MAP3K19: variants seen among roughly 807,000 people sequenced by gnomAD.
MAP3K19 encodes the protein mitogen-activated protein kinase kinase kinase 19.
Under a neutral mutation model 114.4 loss-of-function variants are expected in MAP3K19, and 91 were observed. The ratio of observed to expected loss-of-function variants is 0.80; its 90% CI spans 0.67 to 0.95. The LOEUF is 0.95. Among genes scored for constraint, MAP3K19 ranks in the 40% least tolerant of loss-of-function variants. The probability of loss-of-function intolerance (pLI) is 0.00; values close to 1 mark genes in which losing one functional copy is unlikely to be tolerated. For missense variants in MAP3K19, 1,471 were observed against 1,573.2 expected (o/e 0.94, Z 1.10); for synonymous variants, 518 against 530.5 (o/e 0.98, Z 0.32).
At chr2:135,021,461 G>GACAC (rs943225037) in intron 5 of MAP3K19, among the ~76,000 whole-genome samples, 8 of 143,226 alleles carry the variant, frequency 5.6e-5, no homozygotes, top group African/African-American at 2.2e-4. Flanking sequence ...AACTGACTAA[G>GACAC]ACACACACAC....
At chr2:135,024,169 G>A (rs1688159062) in intron 4 of MAP3K19, among the ~76,000 whole-genome samples, 2 of 152,166 alleles carry the variant, frequency 1.3e-5, no homozygotes, top group Non-Finnish European at 2.9e-5. Flanking sequence ...TGCCCCCGAA[G>A]CTTCAAACAG....
intron 8 of MAP3K19, 68 bp downstream of exon 8, chr2:134,998,670 T>C: frequency 6.8e-7 from 1 of 1,466,368 alleles, no homozygotes; most frequent in Non-Finnish European, 9.2e-7. Context: ...TTTAGAACAG[T>C]GCCTGGCACA....
chr2:135,035,627 C>A lies in MAP3K19; in HGVS notation c.-284+4736G>T, dbSNP rs926448321. On this transcript the variant is annotated intron_variant, in intron 2 of 12. Transcript: ENST00000392915. ...AGGATTGCACATTAATATGAATATACAAAAAAACATGGAAGTGGCCACTTT... is the reference window on the plus strand; with the variant it reads ...AGGATTGCACATTAATATGAATATAAAAAAAAACATGGAAGTGGCCACTTT... 3.3e-5 allele frequency among the ~76,000 whole-genome samples: 5 copies of A among 151,890 alleles called. No individual in the cohort carries two copies. The South Asian group carries it at 6.2e-4, about 19-fold the overall frequency.
rs1434664127 is a variant in MAP3K19 at position 134,980,809 on chromosome 2, TCA to T, written c.3920+10_3920+11del. Reference sequence around the variant, plus strand: ...GGCATTTATCTTCCTCCTCTTGCTTTCAGTTTCTTACCTGGTCAGGCACATGC... The same window carrying T: ...GGCATTTATCTTCCTCCTCTTGCTTTGTTTCTTACCTGGTCAGGCACATGC... On this transcript the variant is annotated intron_variant, in intron 12 of 12. Coordinates refer to ENST00000392915, the MANE Select transcript of MAP3K19 (RefSeq NM_025052.5). 1.2e-6 allele frequency: 2 copies of T among 1,601,596 alleles called. No homozygotes were observed. The highest frequency in any genetic ancestry group is 1.7e-6 in the Non-Finnish European group (2 of 1,169,686).
At chr2:135,033,556 GCGGC>G (rs1688445824) in intron 2 of MAP3K19, among the ~76,000 whole-genome samples, 1 of 448 alleles carries the variant, frequency 2.2e-3, no homozygotes, top group Non-Finnish European at 4.9e-3. Context: ...CCCGGACGGG[GCGGC>G]TGGCGGGCGG....
chr2:134,964,764 G>T lies in MAP3K19; in HGVS notation c.*86C>A. 9.1e-7 allele frequency: 1 copy of T among 1,102,206 alleles called. No homozygotes were observed. Among genetic ancestry groups the T allele is most frequent in the East Asian group, 2.5e-5 (1 of 39,612 alleles). 68.3% of individuals were successfully genotyped at this position (1,102,206 alleles called of 1,614,324 possible). On this transcript the variant is annotated 3_prime_UTR_variant, in exon 13 of 13. Coordinates refer to ENST00000392915, the MANE Select transcript of MAP3K19 (RefSeq NM_025052.5). ...TGGGTTAGACTGAATTTTCAGTGGG[G>T]AAACAAAGATCCCTTAGCCATCATT... is the stretch of plus-strand genomic sequence containing the variant.
intron 12 of MAP3K19, among the ~76,000 whole-genome samples, chr2:134,973,260 A>C (rs1221651219): frequency 1.3e-5 from 2 of 152,142 alleles, no homozygotes; most frequent in East Asian, 1.9e-4. Flanking sequence ...ATTAGAGTTT[A>C]TCTCTCTCTT....
At position 135,042,501 on chromosome 2, in the gene MAP3K19, C is replaced by CAA. The variant is rs1168430275; in HGVS notation, c.-423-2001_-423-2000dup. ...TGGGCGACAGAGCGAGACTCTGTCTCAAAAAAAAAAAAAAAAAAGAAAAAA... is the reference window on the plus strand; with the variant it reads ...TGGGCGACAGAGCGAGACTCTGTCTCAAAAAAAAAAAAAAAAAAAAGAAAAAA... On this transcript the variant is annotated intron_variant, in intron 1 of 12. Coordinates refer to ENST00000392915, the MANE Select transcript of MAP3K19 (RefSeq NM_025052.5). 1.6e-3 allele frequency among the ~76,000 whole-genome samples: 93 copies of CAA among 58,666 alleles called. 1 individual carries two copies. Among genetic ancestry groups the CAA allele is most frequent in the South Asian group, 7.9e-3 (17 of 2,160 alleles). The allele number at this position is 58,666 out of a possible 152,430, so 38.5% of individuals were successfully genotyped here.
intron 5 of MAP3K19, 125 bp downstream of exon 5, chr2:135,021,590 G>T: frequency 1.7e-6 from 1 of 594,156 alleles, no homozygotes. Context: ...TACCAAATAT[G>T]CTTTTTTATG....
At position 134,999,136 on chromosome 2, in the gene MAP3K19, C is replaced by T. The variant is rs1040670651; in HGVS notation, c.315-139G>A. 1.1e-5 allele frequency: 11 copies of T among 1,009,212 alleles called. No individual in the cohort carries two copies. The South Asian group carries it at 1.6e-4, about 15-fold the overall frequency. 62.5% of individuals were successfully genotyped at this position (1,009,212 alleles called of 1,614,324 possible). On this transcript the variant is annotated intron_variant, in intron 7 of 12. Coordinates refer to ENST00000392915, the MANE Select transcript of MAP3K19 (RefSeq NM_025052.5). This position sits in a 1 kb window ranked among gnomAD's most constrained non-coding sequence, Gnocchi z 4.1. ...TGCTGCTGAAAGGAAAGGCTGAATCCTGAGAGGGTAAGACATCTCCACCTG... is the reference window on the plus strand; with the variant it reads ...TGCTGCTGAAAGGAAAGGCTGAATCTTGAGAGGGTAAGACATCTCCACCTG...
intron 8 of MAP3K19, among the ~76,000 whole-genome samples, chr2:134,992,316 AAGGTGAGTGTG>A (rs1398143582): frequency 6.6e-6 from 1 of 152,186 alleles, no homozygotes; most frequent in Non-Finnish European, 1.5e-5. Flanking sequence ...TAAACTCTGA[AAGGTGAGTGTG>A]AGGAAGACTC....
chr2:134,965,160 A>AC (rs971765986), intron 12 of MAP3K19, among the ~76,000 whole-genome samples: 134 of 152,328 alleles, frequency 8.8e-4, no homozygotes, highest in African/African-American at 3.2e-3. Context: ...TAATATATAT[A>AC]CAACTTTTAA....
chr2:134,997,468 A>G (rs775782944), intron 8 of MAP3K19, among the ~76,000 whole-genome samples: 2 of 152,178 alleles, frequency 1.3e-5, no homozygotes, highest in Non-Finnish European at 2.9e-5. Context: ...TGAACTGTAC[A>G]CTTGAAAATG....
At chr2:135,009,202 T>C (rs1418785791) in intron 5 of MAP3K19, among the ~76,000 whole-genome samples, 1 of 151,508 alleles carries the variant, frequency 6.6e-6, no homozygotes, top group Non-Finnish European at 1.5e-5. Flanking sequence ...TGATCTCAAG[T>C]AATCCACCTC....
chr2:135,014,954 G>A (rs1374668966), intron 5 of MAP3K19, among the ~76,000 whole-genome samples: 1 of 152,036 alleles, frequency 6.6e-6, no homozygotes, highest in Non-Finnish European at 1.5e-5. Context: ...ATTCTTGATA[G>A]GCACTTGGGT....
intron 12 of MAP3K19, among the ~76,000 whole-genome samples, chr2:134,971,227 T>C (rs1559135402): frequency 6.6e-6 from 1 of 152,232 alleles, no homozygotes. Context: ...GTTTATTGAT[T>C]TGTGCATGTT....
chr2:135,011,947 ATAGT>A (rs1687265495), intron 5 of MAP3K19, among the ~76,000 whole-genome samples: 1 of 152,236 alleles, frequency 6.6e-6, no homozygotes. Flanking sequence ...ATGAAGTGAT[ATAGT>A]TAGTCCTTTT....
intron 5 of MAP3K19, among the ~76,000 whole-genome samples, chr2:135,016,100 G>T (rs1368316104): frequency 6.6e-6 from 1 of 151,954 alleles, no homozygotes; most frequent in Non-Finnish European, 1.5e-5. Context: ...AAAACAAATT[G>T]AAAAAAATTA....
intron 1 of MAP3K19, among the ~76,000 whole-genome samples, chr2:135,042,278 G>A (rs1381620025): frequency 2.6e-5 from 4 of 152,008 alleles, no homozygotes; most frequent in African/African-American, 7.2e-5. Context: ...CGAGGCGGGC[G>A]GATCACGAGG....
Sources: allele counts gnomAD v4.1 joint callset (sites outside exome capture counted in the v4.1 genomes callset), GRCh38; gene constraint gnomAD v4.1.1; non-coding constraint Gnocchi (gnomAD v3.1); transcripts MANE v1.5; gene names NCBI Gene and HGNC (gene_info 2026-07-23, HGNC 2026-07-21).